The following SOD2 variants were observed in gnomAD, a reference collection of about 807,000 sequenced individuals.
SOD2 encodes the protein superoxide dismutase [Mn], mitochondrial.
SOD2 carries 11 observed loss-of-function variants against 27.0 expected under a neutral mutation model. The ratio of observed to expected loss-of-function variants is 0.41; its 90% confidence interval spans 0.26 to 0.67. The LOEUF (loss-of-function observed/expected upper bound fraction) is 0.67, where lower values mean the gene tolerates loss of function less well. Ranked by LOEUF, SOD2 falls within the 30% of genes least tolerant of loss-of-function variation. The pLI, the probability that SOD2 is intolerant of heterozygous loss-of-function variation, is 0.34. For synonymous variants in SOD2, 105 were observed against 103.0 expected, an observed-to-expected ratio of 1.02 and a Z score of -0.12; for missense variants, 250 against 274.5, an observed-to-expected ratio of 0.91 and a Z score of 0.63.
intron 1 of SOD2, among the ~76,000 whole-genome samples, chr6:159,753,902 C>G (rs1006974022): frequency 6.6e-6 from 1 of 152,136 alleles, no homozygotes; most frequent in Non-Finnish European, 1.5e-5. Flanking sequence ...TATTACTTAA[C>G]AAGATGGACA....
At chr6:159,736,313 G>A (rs751047760) in intron 1 of SOD2, 3 of 1,594,376 alleles carry the variant, frequency 1.9e-6, no homozygotes, top group Non-Finnish European at 8.6e-7. Context: ...TTTTGGTTTT[G>A]GGTTTTTTTG....
chr6:159,726,847 C>T, intron 1 of SOD2: 1 of 1,289,234 alleles, frequency 7.8e-7, no homozygotes, highest in Non-Finnish European at 1.0e-6. Context: ...GTTCTCAAAA[C>T]TTACAGGTGA....
chr6:159,742,854 G>GT (rs1331001071), intron 1 of SOD2, among the ~76,000 whole-genome samples: 1 of 151,654 alleles, frequency 6.6e-6, no homozygotes, highest in Non-Finnish European at 1.5e-5. Flanking sequence ...CCAGGAGTTT[G>GT]AGACCAGCAT....
chr6:159,747,182 G>A (rs1376954793), upstream of SOD2, among the ~76,000 whole-genome samples: 1 of 152,144 alleles, frequency 6.6e-6, no homozygotes, highest in Non-Finnish European at 1.5e-5. Context: ...TGAGTATGAA[G>A]AAAATGATGA....
chr6:159,734,343 CT>C (rs1300071017), intron 1 of SOD2, among the ~76,000 whole-genome samples: 3 of 148,012 alleles, frequency 2.0e-5, no homozygotes, highest in Admixed American at 6.8e-5. Flanking sequence ...TGCCACAGCA[CT>C]CCAGCCTGGC....
At chr6:159,715,916 A>C (rs1036354571) in intron 1 of SOD2, among the ~76,000 whole-genome samples, 47 of 152,260 alleles carry the variant, frequency 3.1e-4, no homozygotes, top group African/African-American at 1.0e-3. Flanking sequence ...AAAAAAAAAA[A>C]AAAAGTTCTG....
At chr6:159,743,774 A>G in intron 1 of SOD2, 2 of 1,611,806 alleles carry the variant, frequency 1.2e-6, no homozygotes, top group East Asian at 2.2e-5. Context: ...CCAAGGAACA[A>G]GAGATGCAAG....
chr6:159,748,081 A>T (rs1005364378), upstream of SOD2: 66 of 1,307,626 alleles, frequency 5.0e-5, no homozygotes, highest in Non-Finnish European at 6.4e-5. This position sits in a 1 kb window ranked among gnomAD's most constrained non-coding sequence, Gnocchi z 5.6. Context: ...CAAAGAGGGG[A>T]GGAGCTTAAT....
upstream of SOD2, among the ~76,000 whole-genome samples, chr6:159,728,018 C>T (rs1457967301): frequency 6.6e-6 from 1 of 152,220 alleles, no homozygotes; most frequent in Non-Finnish European, 1.5e-5. Context: ...CTCGTTTTTT[C>T]CTCGCCTCGG....
upstream of SOD2, among the ~76,000 whole-genome samples, chr6:159,749,650 G>A (rs189042295): frequency 8.5e-5 from 13 of 152,146 alleles, no homozygotes; most frequent in African/African-American, 3.1e-4. Context: ...TTTGTCCCAG[G>A]GTATTGCAGT....
At chr6:159,702,111 C>T (rs2114808264) in intron 1 of SOD2, among the ~76,000 whole-genome samples, 1 of 152,226 alleles carries the variant, frequency 6.6e-6, no homozygotes, top group South Asian at 2.1e-4. Flanking sequence ...TCATATAAAT[C>T]TGATGAGCTT....
chr6:159,682,350 G>T lies in SOD2; in HGVS notation c.*143C>A. ...AAAATGTTTAGTAAGAAATTATTCA[G>T]AACATTAAGTTGTTTATGAAATAAG... On this transcript the variant is annotated 3_prime_UTR_variant, in exon 5 of 5. Coordinates refer to ENST00000538183, the MANE Select transcript of SOD2 (RefSeq NM_000636.4). The T allele has an allele frequency of 5.2e-6, 3 of 575,302 alleles. No homozygotes were observed. The highest frequency in any genetic ancestry group is 5.5e-6 in the Non-Finnish European group (2 of 365,372). The allele number at this position is 575,302 out of a possible 1,614,324, so 35.6% of individuals were successfully genotyped here.
At chr6:159,701,463 T>C (rs1777521583) in intron 1 of SOD2, among the ~76,000 whole-genome samples, 1 of 150,988 alleles carries the variant, frequency 6.6e-6, no homozygotes, top group South Asian at 2.1e-4. Flanking sequence ...CCCAGCTACT[T>C]GGGAGGCTGA....
At chr6:159,698,939 G>A (rs569378080) in intron 1 of SOD2, among the ~76,000 whole-genome samples, 6 of 114,930 alleles carry the variant, frequency 5.2e-5, no homozygotes, top group African/African-American at 1.6e-4. Context: ...TCTGGGGGGT[G>A]GGGGGCGGGG....
Position 159,678,168 on chromosome 6 carries a change from ACC to A in SOD2, c.*4323_*4324del, listed in dbSNP as rs1779819886. On this transcript the variant is annotated 3_prime_UTR_variant, in exon 5 of 5. Transcript: ENST00000538183. ...CGTGGAGAGAGCATGAAAGCTCCAT[ACC>A]CCTTCCCACATGCCTTGCCCTGTGC... is the stretch of plus-strand genomic sequence containing the variant. The A allele has an allele frequency of 6.6e-6, 1 of 152,108 alleles. No individual in the cohort carries two copies. Among genetic ancestry groups the A allele is most frequent in the South Asian group, 2.1e-4 (1 of 4,822 alleles). 9.4% of individuals were successfully genotyped at this position (152,108 alleles called of 1,614,324 possible). A position where few individuals can be genotyped will look rare whatever the true frequency, so the allele number is the denominator to read the frequency against.
At chr6:159,697,971 C>G (rs867905072), upstream of SOD2, among the ~76,000 whole-genome samples, 1 of 152,184 alleles carries the variant, frequency 6.6e-6, no homozygotes, top group African/African-American at 2.4e-5. Context: ...GAAACCCCAT[C>G]TCTACTAAAA....
chr6:159,762,241 G>A, exon 1 of SOD2: 2 of 1,427,410 alleles, frequency 1.4e-6, no homozygotes, highest in Admixed American at 2.5e-5. Context: ...GTATGTGGAG[G>A]AAGCCGGTCA....
intron 1 of SOD2, chr6:159,753,640 C>T (rs767747317): frequency 1.5e-5 from 24 of 1,583,038 alleles, no homozygotes; most frequent in Non-Finnish European, 1.9e-5. Context: ...CTTTTTGGAA[C>T]GTTGTCTCAA....
intron 1 of SOD2, among the ~76,000 whole-genome samples, chr6:159,705,502 A>G (rs537175278): frequency 6.6e-6 from 1 of 152,382 alleles, no homozygotes; most frequent in African/African-American, 2.4e-5. Context: ...GATTCGATCA[A>G]CTGGAAGAAA....
Sources: gnomAD v4.1 joint callset for allele counts (sites outside exome capture counted in the v4.1 genomes callset) on GRCh38, gnomAD v4.1.1 for gene constraint, Gnocchi (gnomAD v3.1) non-coding constraint, MANE v1.5 for transcripts, NCBI Gene and HGNC (gene_info 2026-07-23, HGNC 2026-07-21) for gene names.